The following RNF157 variants were observed in gnomAD, a reference collection of about 807,000 sequenced individuals.
The protein encoded by RNF157 is ring finger protein 157, also known as E3 ubiquitin ligase RNF157.
Under a neutral mutation model 88.3 loss-of-function variants are expected in RNF157, and 55 were observed. The ratio of observed to expected loss-of-function variants is 0.62; its 90% confidence interval spans 0.50 to 0.78. RNF157 has a LOEUF of 0.78. RNF157 is among the 30% of genes least tolerant of loss of function. RNF157 has a pLI of 0.00. For missense variants in RNF157, 788 were observed against 860.8 expected (o/e 0.92, Z 1.06); for synonymous variants, 334 against 341.2 (o/e 0.98, Z 0.23).
At chr17:76,225,123 G>C (rs2070057826) in intron 1 of RNF157, among the ~76,000 whole-genome samples, 1 of 152,138 alleles carries the variant, frequency 6.6e-6, no homozygotes, top group African/African-American at 2.4e-5. Flanking sequence ...AGTGAGCCAA[G>C]ATTGCACTAC....
intron 3 of RNF157, among the ~76,000 whole-genome samples, chr17:76,171,723 T>C (rs2069017527): frequency 6.6e-6 from 1 of 152,202 alleles, no homozygotes; most frequent in African/African-American, 2.4e-5. Flanking sequence ...AAGTTGATTA[T>C]CACCATTTTA....
At position 76,239,465 on chromosome 17, in the gene RNF157, C is replaced by T. The variant is rs539608182; in HGVS notation, c.88+688G>A. Among the ~76,000 whole-genome samples the T allele has an allele frequency of 5.3e-5, 8 of 152,288 alleles. No homozygotes were observed. In the East Asian group the frequency reaches 1.2e-3, roughly 22 times the overall value. On this transcript the variant is annotated intron_variant, in intron 1 of 18. Transcript: ENST00000269391. ...ACTCCAAAACCCAGGCTTGCCACTA[C>T]GCTAGCAAAGGGGCAATCCGAGTAA...
chr17:76,237,672 A>G (rs1359937081), intron 1 of RNF157, among the ~76,000 whole-genome samples: 1 of 152,108 alleles, frequency 6.6e-6, no homozygotes, highest in Non-Finnish European at 1.5e-5. Flanking sequence ...ATACCAATTC[A>G]TTTCTCTGGG....
intron 2 of RNF157, among the ~76,000 whole-genome samples, chr17:76,186,659 C>G (rs117025238): frequency 6.6e-6 from 1 of 150,794 alleles, no homozygotes; most frequent in Admixed American, 6.6e-5. Flanking sequence ...AGGTCTGGGC[C>G]GGGGGGGCAG....
At position 76,176,283 on chromosome 17, in the gene RNF157, T is replaced by C. The variant is rs372910206; in HGVS notation, c.208-2493A>G. ...CAAAAGGCAAAAATAAAGGAAGTGA[T>C]CATTTCTGGCTGAGGTAATCTGAAG... is the stretch of plus-strand genomic sequence containing the variant. On this transcript the variant is annotated intron_variant, in intron 2 of 18. Coordinates refer to ENST00000269391, the MANE Select transcript of RNF157 (RefSeq NM_052916.3). This position sits in a 1 kb window ranked among gnomAD's most constrained non-coding sequence, Gnocchi z 4.2. Among the ~76,000 whole-genome samples, 1 of 152,204 alleles carries C rather than the reference T, an allele frequency of 6.6e-6. No individual in the cohort carries two copies. Among genetic ancestry groups the C allele is most frequent in the African/African-American group, 2.4e-5 (1 of 41,446 alleles).
chr17:76,240,003 T>C lies in RNF157; in HGVS notation c.88+150A>G. 1 of 336,666 alleles carries C rather than the reference T, an allele frequency of 3.0e-6. No individual in the cohort carries two copies. Among genetic ancestry groups the C allele is most frequent in the Non-Finnish European group, 5.1e-6 (1 of 195,092 alleles). 20.9% of individuals were successfully genotyped at this position (336,666 alleles called of 1,614,324 possible). Reference sequence around the variant, plus strand: ...CGGGGCGGGGGAGACCTCGGCCTTCTCGAAGACCTCCCGCGCTCGAAGACC... The same window carrying C: ...CGGGGCGGGGGAGACCTCGGCCTTCCCGAAGACCTCCCGCGCTCGAAGACC... On this transcript the variant is annotated intron_variant, in intron 1 of 18. Coordinates refer to ENST00000269391, the MANE Select transcript of RNF157 (RefSeq NM_052916.3). The surrounding 1 kb of genome is among the most constrained non-coding windows in gnomAD (Gnocchi z 4.4).
At chr17:76,236,100 A>G (rs2070279210) in intron 1 of RNF157, among the ~76,000 whole-genome samples, 1 of 152,190 alleles carries the variant, frequency 6.6e-6, no homozygotes, top group Non-Finnish European at 1.5e-5. Context: ...GCCTCTAGTC[A>G]GTTGAAGGCC....
intron 1 of RNF157, among the ~76,000 whole-genome samples, chr17:76,230,417 T>G (rs1012907329): frequency 6.6e-6 from 1 of 152,168 alleles, no homozygotes; most frequent in African/African-American, 2.4e-5. Flanking sequence ...GAACATGTGC[T>G]CTATGCAAAG....
At chr17:76,182,067 G>A (rs2069198007) in intron 2 of RNF157, among the ~76,000 whole-genome samples, 1 of 152,154 alleles carries the variant, frequency 6.6e-6, no homozygotes, top group Non-Finnish European at 1.5e-5. Context: ...TCTGTAAAGG[G>A]GCGTCAAGCT....
rs1353627329 is a variant in RNF157 at position 76,182,788 on chromosome 17, TGAGAG to T, written c.208-9003_208-8999del. On this transcript the variant is annotated intron_variant, in intron 2 of 18. Transcript: ENST00000269391. ...ATATATATATATATATATATATATA[TGAGAG>T]ATATATATATGAGAGAGATATATAT... Among the ~76,000 whole-genome samples, 246 of 120,526 alleles carry T rather than the reference TGAGAG, an allele frequency of 2.0e-3. 5 individuals carry two copies. The highest frequency in any genetic ancestry group is 7.5e-3 in the African/African-American group (211 of 28,002). 79.1% of individuals were successfully genotyped at this position (120,526 alleles called of 152,430 possible).
rs111674841 is a variant in RNF157, at chr17:76,157,520, A to C, written c.1413+873T>G. 1.3e-5 allele frequency among the ~76,000 whole-genome samples: 2 copies of C among 152,254 alleles called. No individual in the cohort carries two copies. The highest frequency in any genetic ancestry group is 2.9e-5 in the Non-Finnish European group (2 of 68,044). On this transcript the variant is annotated intron_variant, in intron 13 of 18. Coordinates refer to ENST00000269391, the MANE Select transcript of RNF157 (RefSeq NM_052916.3). The surrounding 1 kb of genome is among the most constrained non-coding windows in gnomAD (Gnocchi z 5.6). ...GGTTTAGCTAAAATGCTATTCCTCCATAACACATTTTCTGATTTCCTCCAC... is the reference window on the plus strand; with the variant it reads ...GGTTTAGCTAAAATGCTATTCCTCCCTAACACATTTTCTGATTTCCTCCAC...
At chr17:76,235,401 T>C (rs977099282) in intron 1 of RNF157, among the ~76,000 whole-genome samples, 2 of 152,184 alleles carry the variant, frequency 1.3e-5, no homozygotes, top group Non-Finnish European at 2.9e-5. Context: ...GGTTTCACCA[T>C]GTTAGCCAGG....
At chr17:76,171,242 G>A (rs1056801057) in intron 3 of RNF157, among the ~76,000 whole-genome samples, 2 of 151,894 alleles carry the variant, frequency 1.3e-5, no homozygotes, top group African/African-American at 4.8e-5. Context: ...AGAGTGGAGT[G>A]CAGTGGTACA....
At chr17:76,194,763 C>A (rs1333844941) in intron 2 of RNF157, among the ~76,000 whole-genome samples, 4 of 152,090 alleles carry the variant, frequency 2.6e-5, no homozygotes, top group Non-Finnish European at 4.4e-5. Flanking sequence ...CACCTGTAAT[C>A]CCAGCACTTT....
chr17:76,174,963 G>C (rs1250753015), intron 2 of RNF157, among the ~76,000 whole-genome samples: 2 of 152,038 alleles, frequency 1.3e-5, no homozygotes, highest in Non-Finnish European at 1.5e-5. Context: ...TAATTACAAA[G>C]TAATATATGT....
intron 2 of RNF157, among the ~76,000 whole-genome samples, chr17:76,200,956 C>T (rs752802424): frequency 5.3e-5 from 8 of 152,114 alleles, no homozygotes; most frequent in Non-Finnish European, 1.0e-4. Context: ...AGCCCCCAGA[C>T]ACTTCCTGGC....
chr17:76,226,675 GA>G, intron 1 of RNF157: 1 of 1,612,226 alleles, frequency 6.2e-7, no homozygotes, highest in South Asian at 1.1e-5. Flanking sequence ...CATGAGGTTT[GA>G]AGTGCTTGGC....
chr17:76,198,661 C>T (rs1160386881), intron 2 of RNF157, among the ~76,000 whole-genome samples: 1 of 152,204 alleles, frequency 6.6e-6, no homozygotes, highest in African/African-American at 2.4e-5. Flanking sequence ...ACTGGTTACC[C>T]TGTATCCGTT....
At chr17:76,159,076 T>C (rs1363862692) in intron 12 of RNF157, among the ~76,000 whole-genome samples, 2 of 152,220 alleles carry the variant, frequency 1.3e-5, no homozygotes, top group African/African-American at 4.8e-5. Context: ...CAACATCCTC[T>C]TCCCTATATC....
Sources: gnomAD v4.1 joint callset for allele counts (sites outside exome capture counted in the v4.1 genomes callset) on GRCh38, gnomAD v4.1.1 for gene constraint, Gnocchi (gnomAD v3.1) non-coding constraint, MANE v1.5 for transcripts, NCBI Gene and HGNC (gene_info 2026-07-23, HGNC 2026-07-21) for gene names.